UCP2: variants seen among roughly 807,000 people sequenced by gnomAD.
UCP2 encodes the protein uncoupling protein 2.
In UCP2, 27 loss-of-function variants were observed where a neutral mutation model predicts 31.3. The observed-to-expected ratio is 0.86, with a 90% CI of 0.64 to 1.19. The LOEUF is 1.19. UCP2 is among the 50% of genes most tolerant of loss of function. UCP2 has a pLI of 0.00. For missense variants in UCP2, 377 were observed against 413.5 expected, an observed-to-expected ratio of 0.91 and a Z score of 0.76; for synonymous variants, 142 against 157.4, an observed-to-expected ratio of 0.90 and a Z score of 0.73.
chr11:73,975,545 C>G lies in UCP2; in HGVS notation c.761G>C (p.Gly254Ala). The G allele has an allele frequency of 5.0e-6, 8 of 1,613,612 alleles. No individual in the cohort carries two copies. The highest frequency in any genetic ancestry group is 6.8e-6 in the Non-Finnish European group (8 of 1,179,678). ...NSALGQYSSA[G>A]HCALTMLQKE... ...CTGGAGCATGGTAAGGGCACAGTGG[C>G]CAGCGCTACTGTACTGGCCCAGGGC... The change falls in exon 7 of 8, where the codon GGC becomes GCC. Residue 254 changes from glycine (G) to alanine (A), a missense_variant. Transcript: ENST00000663595.
intron 2 of UCP2, among the ~76,000 whole-genome samples, chr11:73,979,524 C>T (rs1320404027): frequency 1.3e-5 from 2 of 151,610 alleles, no homozygotes; most frequent in Admixed American, 6.6e-5. Context: ...CCAGCCTAGG[C>T]GACAGAGCAA....
chr11:73,976,865 TG>T lies in UCP2; in HGVS notation c.489del (p.Tyr163Ter). ...GRRYQSTVNA[Y>X]KTIAREEGFR... ...AACCCTTCCTCTCGGGCAATGGTCT[TG>T]TAGGCATTGACGGTGCTTTGGTATC... On this transcript the variant is annotated frameshift_variant, in exon 5 of 8. Transcript: ENST00000663595. LOFTEE classifies it high-confidence loss of function. 6.2e-7 allele frequency: 1 copy of T among 1,614,222 alleles called. No homozygotes were observed. Among genetic ancestry groups the T allele is most frequent in the Non-Finnish European group, 8.5e-7 (1 of 1,180,026 alleles).
At position 73,978,006 on chromosome 11, in the gene UCP2, C is replaced by G. The variant is rs200489709; in HGVS notation, c.217G>C (p.Glu73Gln). The G allele has an allele frequency of 1.9e-6, 3 of 1,614,228 alleles. No homozygotes were observed. The highest frequency in any genetic ancestry group is 1.6e-4 in the Middle Eastern group (1 of 6,062). ...CCATTGTAGAGGCTTCGGGGGCCCT[C>G]AGTACGCACCATGGTCAGAATGGTG... ...MGTILTMVRT[E>Q]GPRSLYNGLV... The change falls in exon 4 of 8, where the codon GAG (glutamate) becomes CAG (glutamine). Residue 73 changes from glutamate to glutamine, a missense_variant. Glu to Gln is a conservative substitution (Grantham distance 29). Transcript: ENST00000663595.
chr11:73,977,862 C>T (rs1951379767), intron 4 of UCP2, 24 bp downstream of exon 4: 1 of 1,613,692 alleles, frequency 6.2e-7, no homozygotes, highest in Non-Finnish European at 8.5e-7. Context: ...GGCCAAGGGG[C>T]CTACACCCTT....
At chr11:73,980,309 C>A (rs575661078) in intron 2 of UCP2, among the ~76,000 whole-genome samples, 24 of 152,298 alleles carry the variant, frequency 1.6e-4, no homozygotes, top group Non-Finnish European at 3.4e-4. Context: ...CCCATGGAAA[C>A]AAACAGCTCA....
intron 1 of UCP2, among the ~76,000 whole-genome samples, chr11:73,982,261 G>C (rs905737596): frequency 3.3e-5 from 5 of 152,224 alleles, no homozygotes; most frequent in African/African-American, 1.2e-4. Flanking sequence ...CTAAGAAAAA[G>C]AGAGAAGAGA....
chr11:73,974,823 C>A lies in UCP2; in HGVS notation c.*184G>T. On this transcript the variant is annotated 3_prime_UTR_variant, in exon 8 of 8. Coordinates refer to ENST00000663595, the MANE Select transcript of UCP2 (RefSeq NM_003355.3). ...CACTGTCAAATGTCAACTCCACCAG[C>A]ACTGAGACAATGAGTAGATGAGAAT... 7.9e-6 allele frequency: 3 copies of A among 381,496 alleles called. No homozygotes were observed. The highest frequency in any genetic ancestry group is 1.0e-5 in the Non-Finnish European group (2 of 200,268). The allele number at this position is 381,496 out of a possible 1,614,324, so 23.6% of individuals were successfully genotyped here. A position where few individuals can be genotyped will look rare whatever the true frequency, so the allele number is the denominator to read the frequency against.
In UCP2 at chr11:73,978,008, G is replaced by C. The variant is rs1311593606; in HGVS notation, c.215C>G (p.Thr72Ser). The change falls in exon 4 of 8, where the codon ACT becomes AGT. Residue 72 changes from threonine (T) to serine (S), a missense_variant. Coordinates refer to ENST00000663595, the MANE Select transcript of UCP2 (RefSeq NM_003355.3). Reference protein sequence around the residue: ...VMGTILTMVRTEGPRSLYNGL... With the variant: ...VMGTILTMVRSEGPRSLYNGL... The stretch of plus-strand genomic sequence containing the variant: ...ATTGTAGAGGCTTCGGGGGCCCTCA[G>C]TACGCACCATGGTCAGAATGGTGCC... The C allele has an allele frequency of 1.9e-6, 3 of 1,614,218 alleles. No individual in the cohort carries two copies. The highest frequency in any genetic ancestry group is 2.5e-6 in the Non-Finnish European group (3 of 1,180,026).
chr11:73,977,863 C>T, intron 4 of UCP2, 23 bp downstream of exon 4: 1 of 1,614,086 alleles, frequency 6.2e-7, no homozygotes, highest in Non-Finnish European at 8.5e-7. Flanking sequence ...GCCAAGGGGC[C>T]TACACCCTTG....
Position 73,975,620 on chromosome 11 carries a change from G to C in UCP2, c.686C>G (p.Thr229Ser). 1.2e-6 allele frequency: 2 copies of C among 1,614,250 alleles called. No individual in the cohort carries two copies. The highest frequency in any genetic ancestry group is 1.7e-6 in the Non-Finnish European group (2 of 1,180,048). Residue 229 changes from threonine to serine, a missense_variant, in exon 7 of 8, where the codon ACT becomes AGT. Transcript: ENST00000663595. ...TSAFGAGFCT[T>S]VIASPVDVVK... The stretch of plus-strand genomic sequence containing the variant: ...CACGTCTACAGGGGAGGCGATGACA[G>C]TGGTGCAGAAGCCTGCCCCAAAGGC...
At chr11:73,977,851 G>C in intron 4 of UCP2, 35 bp downstream of exon 4, 1 of 1,613,204 alleles carries the variant, frequency 6.2e-7, no homozygotes, top group African/African-American at 1.3e-5. Context: ...TGAGAAAAAA[G>C]GGCCAAGGGG....
intron 2 of UCP2, chr11:73,980,846 G>C (rs757638941): frequency 6.6e-6 from 1 of 152,222 alleles, no homozygotes; most frequent in Non-Finnish European, 1.5e-5. Flanking sequence ...GGGCATCAGA[G>C]ATATGATGAC....
chr11:73,977,130 C>T, intron 4 of UCP2, 113 bp from the exon 5 acceptor site: 1 of 1,207,890 alleles, frequency 8.3e-7, no homozygotes, highest in Non-Finnish European at 1.1e-6. Context: ...GGAATAGAAT[C>T]CAGAAGCTTT....
chr11:73,975,477 G>C lies in UCP2; in HGVS notation c.815+14C>G. 1 of 1,605,014 alleles carries C rather than the reference G, an allele frequency of 6.2e-7. No homozygotes were observed. Among genetic ancestry groups the C allele is most frequent in the Non-Finnish European group, 8.5e-7 (1 of 1,174,752 alleles). On this transcript the variant is annotated intron_variant, in intron 7 of 7. Transcript: ENST00000663595. Reference sequence around the variant, plus strand: ...CAAGAGGCCTGAACTGGGTGGGGAGGACCAGAGGCTCACCCTTTGTAGAAG... The same window carrying C: ...CAAGAGGCCTGAACTGGGTGGGGAGCACCAGAGGCTCACCCTTTGTAGAAG...
chr11:73,975,928 T>C (rs866411589), intron 6 of UCP2, among the ~76,000 whole-genome samples: 10 of 151,954 alleles, frequency 6.6e-5, no homozygotes, highest in Middle Eastern at 6.8e-3. Context: ...CCAGGCACAG[T>C]GTGCATGCCT....
intron 7 of UCP2, 89 bp from the exon 8 acceptor site, chr11:73,975,210 G>A: frequency 1.6e-6 from 2 of 1,257,162 alleles, no homozygotes; most frequent in Non-Finnish European, 2.3e-6. Flanking sequence ...CAGTTGCTCT[G>A]TCCCAAAGGA....
intron 6 of UCP2, 61 bp from the exon 7 acceptor site, chr11:73,975,732 G>T (rs969906966): frequency 1.9e-6 from 3 of 1,593,576 alleles, no homozygotes; most frequent in Non-Finnish European, 2.6e-6. Context: ...GAAGGCAGGA[G>T]AATTACTTAA....
chr11:73,976,581 C>T (rs912814271), intron 6 of UCP2, 60 bp downstream of exon 6: 69 of 1,386,730 alleles, frequency 5.0e-5, no homozygotes, highest in African/African-American at 4.3e-4. Context: ...GCTAGACCCC[C>T]GCACCTGCTC....
At chr11:73,976,579 C>T (rs957558629) in intron 6 of UCP2, 62 bp downstream of exon 6, 2 of 1,353,258 alleles carry the variant, frequency 1.5e-6, no homozygotes, top group African/African-American at 1.4e-5. Flanking sequence ...CAGCTAGACC[C>T]CCGCACCTGC....
Sources: allele counts gnomAD v4.1 joint callset (sites outside exome capture counted in the v4.1 genomes callset), GRCh38; gene constraint gnomAD v4.1.1; transcripts MANE v1.5; gene names NCBI Gene and HGNC (gene_info 2026-07-23, HGNC 2026-07-21).